The following CIAO3 variants were observed in gnomAD, a reference collection of about 807,000 sequenced individuals.
CIAO3 encodes the protein LET1 like/JFP15.
A neutral mutation model predicts 51.5 loss-of-function variants in CIAO3; 45 were observed. That is an observed-to-expected ratio of 0.87 (90% confidence interval 0.69 to 1.12). The LOEUF is 1.12. Among genes scored for constraint, CIAO3 ranks in the 50% most tolerant of loss-of-function variants. CIAO3 has a pLI of 0.00. For missense variants in CIAO3, 668 were observed against 632.5 expected, an observed-to-expected ratio of 1.06 and a Z score of -0.60; for synonymous variants, 314 against 269.3, an observed-to-expected ratio of 1.17 and a Z score of -1.63.
chr16:733,015 G>A (rs2041301463), intron 7 of CIAO3: 1 of 428,366 alleles, frequency 2.3e-6, no homozygotes, highest in Non-Finnish European at 4.3e-6. Flanking sequence ...GGGAGCTGAA[G>A]AGGCTGCATT....
chr16:733,787 A>G, intron 6 of CIAO3: 1 of 378,746 alleles, frequency 2.6e-6, no homozygotes, highest in South Asian at 2.3e-5. Flanking sequence ...GCGTGCAGTC[A>G]GGCAAGAGGT....
In CIAO3 at chr16:730,657, T is replaced by C. The variant is rs754687240; in HGVS notation, c.1193-2A>G. Reference sequence around the variant, plus strand: ...GCTGGCCCCCGCCGTTCAGGCAGCCTATGGGAGAGCAGACGGGACAGGGGT... The same window carrying C: ...GCTGGCCCCCGCCGTTCAGGCAGCCCATGGGAGAGCAGACGGGACAGGGGT... On this transcript the variant is annotated splice_acceptor_variant, in intron 10 of 10. Transcript: ENST00000251588. LOFTEE classifies it high-confidence loss of function. The C allele has an allele frequency of 6.2e-7, 1 of 1,607,868 alleles. No individual in the cohort carries two copies. Among genetic ancestry groups the C allele is most frequent in the South Asian group, 1.1e-5 (1 of 91,050 alleles).
At chr16:739,900 C>G (rs1202777990) in intron 1 of CIAO3, 162 bp from the exon 2 acceptor site, 1 of 1,228,872 alleles carries the variant, frequency 8.1e-7, no homozygotes. Context: ...TCCTGCCCCA[C>G]TGCTCTCACC....
chr16:734,561 G>A (rs752877080), intron 5 of CIAO3, 176 bp downstream of exon 5: 32 of 1,216,036 alleles, frequency 2.6e-5, no homozygotes, highest in South Asian at 1.6e-4. Flanking sequence ...TGGCTCCCAC[G>A]GGAGGGCAGC....
At chr16:731,445 C>A in intron 9 of CIAO3, 120 bp downstream of exon 9, 1 of 1,371,922 alleles carries the variant, frequency 7.3e-7, no homozygotes, top group Non-Finnish European at 9.5e-7. Flanking sequence ...CCCTCCAAAC[C>A]CTGCAGGCTG....
intron 4 of CIAO3, among the ~76,000 whole-genome samples, chr16:735,834 G>C (rs1412785232): frequency 1.3e-5 from 2 of 152,128 alleles, no homozygotes; most frequent in African/African-American, 4.8e-5. Context: ...TAACCATGAG[G>C]TCCAGCCCCT....
At chr16:738,351 T>A (rs1026501103) in intron 2 of CIAO3, 77 of 657,596 alleles carry the variant, frequency 1.2e-4, no homozygotes, top group Non-Finnish European at 1.4e-4. Context: ...AATAGTTTCT[T>A]TTTTTTTTTT....
intron 8 of CIAO3, 136 bp from the exon 9 acceptor site, chr16:731,838 T>G (rs1225382151): frequency 2.5e-6 from 3 of 1,205,562 alleles, no homozygotes; most frequent in Non-Finnish European, 3.3e-6. Context: ...GAACAGCTCC[T>G]GTGTCACCAG....
chr16:729,982 G>T lies in CIAO3; in HGVS notation c.*435C>A, dbSNP rs907717839. The T allele has an allele frequency of 1.8e-5, 6 of 341,962 alleles. No individual in the cohort carries two copies. The highest frequency in any genetic ancestry group is 1.3e-4 in the African/African-American group (6 of 46,148). 21.2% of individuals were successfully genotyped at this position (341,962 alleles called of 1,614,324 possible). ...TGGCGGGACCACCCCTGCAGGTCCA[G>T]CTCTGTCTCCCACCTTTTGCACAGA... On this transcript the variant is annotated 3_prime_UTR_variant, in exon 11 of 11. Transcript: ENST00000251588.
In CIAO3 at chr16:739,641, A is replaced by G; in HGVS notation, c.162+2T>C. Reference sequence around the variant, plus strand: ...ATGGTGGAGCAGCCTCCTGTGCCTTACTTGGTTAATTTGGAAGTAGCTCCC... The same window carrying G: ...ATGGTGGAGCAGCCTCCTGTGCCTTGCTTGGTTAATTTGGAAGTAGCTCCC... On this transcript the variant is annotated splice_donor_variant, in intron 2 of 10. Transcript: ENST00000251588. LOFTEE classifies it high-confidence loss of function. 6.2e-7 allele frequency: 1 copy of G among 1,613,878 alleles called. No individual in the cohort carries two copies.
chr16:731,751 A>ACCTC, intron 8 of CIAO3, 49 bp from the exon 9 acceptor site: 2 of 1,492,494 alleles, frequency 1.3e-6, no homozygotes, highest in Non-Finnish European at 1.8e-6. Context: ...CTGCCTGCCA[A>ACCTC]CCTCCCGAGC....
intron 6 of CIAO3, 191 bp from the exon 7 acceptor site, chr16:733,618 A>G: frequency 1.3e-6 from 1 of 768,750 alleles, no homozygotes; most frequent in Non-Finnish European, 2.0e-6. Flanking sequence ...TGTGACAGAA[A>G]ATGACACTGA....
Position 737,194 on chromosome 16 carries a change from C to A in CIAO3, c.298G>T (p.Ala100Ser). The A allele has an allele frequency of 1.2e-6, 2 of 1,613,780 alleles. No homozygotes were observed. Among genetic ancestry groups the A allele is most frequent in the Non-Finnish European group, 1.7e-6 (2 of 1,180,008 alleles). Residue 100 changes from alanine to serine, a missense_variant, in exon 3 of 11, where the codon GCT (alanine) becomes TCT (serine). Coordinates refer to ENST00000251588, the MANE Select transcript of CIAO3 (RefSeq NM_022493.3). This position sits in a 1 kb window ranked among gnomAD's most constrained non-coding sequence, Gnocchi z 5.3. ...GGCCGACCACTGCTTACCTTGTTAGCATCTAGAACCTTCTTCAGCTCCTCG... is the reference window on the plus strand; with the variant it reads ...GGCCGACCACTGCTTACCTTGTTAGAATCTAGAACCTTCTTCAGCTCCTCG... ...SHEELKKVLDANKMAAPSQQR... is the reference protein window; with the variant it reads ...SHEELKKVLDSNKMAAPSQQR...
At chr16:735,608 C>T (rs1213565994) in intron 4 of CIAO3, 1 of 152,256 alleles carries the variant, frequency 6.6e-6, no homozygotes, top group Non-Finnish European at 1.5e-5. Context: ...CCTGGGACAC[C>T]AGGTCAGGCT....
intron 1 of CIAO3, 71 bp from the exon 2 acceptor site, chr16:739,809 G>T: frequency 6.7e-7 from 1 of 1,497,088 alleles, no homozygotes; most frequent in South Asian, 1.2e-5. Context: ...CAGGCCTCAA[G>T]GATGGCTGCC....
chr16:738,030 C>A, intron 2 of CIAO3: 1 of 1,113,316 alleles, frequency 9.0e-7, no homozygotes, highest in Middle Eastern at 4.2e-4. Context: ...TGTGTGGGAA[C>A]CCCTCGCAGC....
Position 733,413 on chromosome 16 carries a change from G to T in CIAO3, c.708C>A (p.Asp236Glu), listed in dbSNP as rs1189661079. The T allele has an allele frequency of 1.2e-6, 2 of 1,613,838 alleles. No homozygotes were observed. The highest frequency in any genetic ancestry group is 2.2e-5 in the South Asian group (2 of 91,092). Residue 236 changes from aspartate to glutamate, a missense_variant, in exon 7 of 11, where the codon GAC becomes GAA. By Grantham distance (45) the Asp-to-Glu change is conservative. Coordinates refer to ENST00000251588, the MANE Select transcript of CIAO3 (RefSeq NM_022493.3). ...GCATCACTGTGACGTGGTAGATCTT[G>T]TCAGGGGTCAAGTGCTACAAGGAGA... ...FFAQQQHLTP[D>E]KIYHVTVMPC...
rs2041315495 is a variant in CIAO3 at position 734,302 on chromosome 16, GGGA to G, written c.617_619del (p.Leu206del). The G allele has an allele frequency of 6.2e-7, 1 of 1,611,978 alleles. No individual in the cohort carries two copies. The highest frequency in any genetic ancestry group is 8.5e-7 in the Non-Finnish European group (1 of 1,179,914). On this transcript the variant is annotated inframe_deletion, in exon 6 of 11. Coordinates refer to ENST00000251588, the MANE Select transcript of CIAO3 (RefSeq NM_022493.3). ...CGGGGACCGGGCGGTGCTGATGTGGGGGAGGATGAAGCTGCCGTGAGTCTTCTC... is the reference window on the plus strand; with the variant it reads ...CGGGGACCGGGCGGTGCTGATGTGGGGGATGAAGCTGCCGTGAGTCTTCTC...
chr16:738,613 A>C (rs996700493), intron 2 of CIAO3, among the ~76,000 whole-genome samples: 1 of 149,926 alleles, frequency 6.7e-6, no homozygotes, highest in East Asian at 2.0e-4. Context: ...CGGCCTCCCA[A>C]AGTGCTGGGA....
Sources: allele counts gnomAD v4.1 joint callset (sites outside exome capture counted in the v4.1 genomes callset), GRCh38; gene constraint gnomAD v4.1.1; non-coding constraint Gnocchi (gnomAD v3.1); transcripts MANE v1.5; gene names NCBI Gene and HGNC (gene_info 2026-07-23, HGNC 2026-07-21).